ABLIM1: variants seen among roughly 807,000 people sequenced by gnomAD.
The protein encoded by ABLIM1 is actin binding LIM protein 1, also known as actin-binding LIM protein 1.
In ABLIM1, 40 loss-of-function variants were observed where a neutral mutation model predicts 107.0. The ratio of observed to expected loss-of-function variants is 0.37; its 90% CI spans 0.29 to 0.49. ABLIM1 has a LOEUF of 0.49. ABLIM1 is among the 20% of genes least tolerant of loss of function. ABLIM1 has a pLI of 0.97. For missense variants in ABLIM1, 857 were observed against 1,008.5 expected (o/e 0.85, Z 2.04); for synonymous variants, 357 against 357.3 (o/e 1.00, Z 0.01).
chr10:114,465,626 T>C (rs1405500693), intron 12 of ABLIM1, 72 bp downstream of exon 12: 69 of 1,562,244 alleles, frequency 4.4e-5, no homozygotes, highest in Admixed American at 1.1e-4. Flanking sequence ...CAATGTGCTA[T>C]CAATAGTAGG....
intron 6 of ABLIM1, among the ~76,000 whole-genome samples, chr10:114,522,192 A>G (rs1401372242): frequency 2.6e-5 from 4 of 152,244 alleles, no homozygotes; most frequent in Admixed American, 6.5e-5. Flanking sequence ...AAGATATTTC[A>G]ACAGATTTTC....
At chr10:114,568,013 A>G (rs918657463) in intron 4 of ABLIM1, among the ~76,000 whole-genome samples, 1 of 151,498 alleles carries the variant, frequency 6.6e-6, no homozygotes, top group Non-Finnish European at 1.5e-5. Flanking sequence ...ACAAGGTGAA[A>G]CCCCGTCTCT....
At position 114,594,361 on chromosome 10, in the gene ABLIM1, C is replaced by A. The variant is rs117276876; in HGVS notation, c.379+7466G>T. Among the ~76,000 whole-genome samples the A allele has an allele frequency of 7.4e-3, 1,126 of 152,344 alleles. 8 individuals are homozygous for A. The highest frequency in any genetic ancestry group is 0.012 in the Non-Finnish European group (833 of 68,022). On this transcript the variant is annotated intron_variant, in intron 2 of 22. Coordinates refer to ENST00000533213, the MANE Select transcript of ABLIM1 (RefSeq NM_002313.7). ...ATAGATATCTTTACTTGCACTCTTTCTTTTCAGAAGATAATGTTACTGTCT... is the reference window on the plus strand; with the variant it reads ...ATAGATATCTTTACTTGCACTCTTTATTTTCAGAAGATAATGTTACTGTCT...
chr10:114,464,540 C>T (rs12573832), intron 12 of ABLIM1, among the ~76,000 whole-genome samples: 14,444 of 151,934 alleles, frequency 0.095, 736 homozygotes, highest in East Asian at 0.18. Context: ...TCGGGACTCA[C>T]GTCCTGGGCA....
upstream of ABLIM1, among the ~76,000 whole-genome samples, chr10:114,768,543 G>A (rs564785000): frequency 1.8e-4 from 28 of 152,266 alleles, no homozygotes; most frequent in East Asian, 5.2e-3. Context: ...CCTAAGTGAT[G>A]CCCTTGACAG....
intron 1 of ABLIM1, among the ~76,000 whole-genome samples, chr10:114,622,247 C>CTTTTTT (rs71007483): frequency 3.7e-5 from 5 of 136,564 alleles, no homozygotes; most frequent in South Asian, 2.4e-4. Context: ...TTTTCTTTTT[C>CTTTTTT]TTTTTTTTTT....
chr10:114,660,561 G>A (rs2079749316), upstream of ABLIM1, among the ~76,000 whole-genome samples: 1 of 151,660 alleles, frequency 6.6e-6, no homozygotes, highest in South Asian at 2.1e-4. Flanking sequence ...TGTTTAAGAT[G>A]GAGATCCCCG....
chr10:114,643,889 T>A (rs562345263), intron 1 of ABLIM1, among the ~76,000 whole-genome samples: 6 of 152,040 alleles, frequency 3.9e-5, no homozygotes, highest in Non-Finnish European at 8.8e-5. Context: ...ATCCAGATTC[T>A]TAGTGCAAGA....
intron 1 of ABLIM1, among the ~76,000 whole-genome samples, chr10:114,704,302 C>CTCTATATA (rs1380460034): frequency 2.6e-4 from 11 of 43,088 alleles, no homozygotes; most frequent in African/African-American, 6.7e-4. Flanking sequence ...CTCTCTCTCT[C>CTCTATATA]TATATATATA....
At chr10:114,495,008 A>G (rs902955165) in intron 6 of ABLIM1, among the ~76,000 whole-genome samples, 4 of 152,130 alleles carry the variant, frequency 2.6e-5, no homozygotes, top group African/African-American at 9.7e-5. Flanking sequence ...CACTCTTATG[A>G]TTATTTACAT....
chr10:114,520,281 A>C (rs1160423448), intron 6 of ABLIM1, among the ~76,000 whole-genome samples: 1 of 152,204 alleles, frequency 6.6e-6, no homozygotes, highest in African/African-American at 2.4e-5. Context: ...TCTGTTCTGC[A>C]GTGGAACATC....
intron 1 of ABLIM1, among the ~76,000 whole-genome samples, chr10:114,673,807 C>A (rs1239102692): frequency 1.3e-5 from 2 of 152,184 alleles, no homozygotes; most frequent in African/African-American, 4.8e-5. Context: ...CGATGACGGG[C>A]TTCAGTAGTT....
chr10:114,749,314 C>T, intron 1 of ABLIM1, among the ~76,000 whole-genome samples: 1 of 152,120 alleles, frequency 6.6e-6, no homozygotes, highest in East Asian at 1.9e-4. Flanking sequence ...TAGCCATTGG[C>T]TACATTTGCC....
intron 1 of ABLIM1, among the ~76,000 whole-genome samples, chr10:114,748,097 A>G (rs2082423229): frequency 6.6e-6 from 1 of 152,090 alleles, no homozygotes; most frequent in Admixed American, 6.6e-5. Context: ...GAATTACTGA[A>G]CCACCAAATG....
At chr10:114,549,113 G>A (rs893412177) in intron 4 of ABLIM1, among the ~76,000 whole-genome samples, 5 of 152,192 alleles carry the variant, frequency 3.3e-5, no homozygotes, top group Non-Finnish European at 4.4e-5. Context: ...GGCTGGGTGC[G>A]GTGGCACACA....
upstream of ABLIM1, among the ~76,000 whole-genome samples, chr10:114,768,957 G>C (rs990426330): frequency 9.2e-5 from 14 of 151,914 alleles, no homozygotes; most frequent in Non-Finnish European, 4.4e-5. Flanking sequence ...ATAATAAAAA[G>C]CCACCAGATC....
chr10:114,622,476 A>G (rs2077533300), intron 1 of ABLIM1, among the ~76,000 whole-genome samples: 1 of 151,912 alleles, frequency 6.6e-6, no homozygotes, highest in Non-Finnish European at 1.5e-5. Context: ...CACACTTCCG[A>G]GCTCAAGTGA....
intron 6 of ABLIM1, among the ~76,000 whole-genome samples, chr10:114,526,384 A>G (rs534240878): frequency 1.3e-5 from 2 of 152,326 alleles, no homozygotes; most frequent in Admixed American, 1.3e-4. Context: ...TCAACGCACT[A>G]CACTTCTCAG....
At chr10:114,798,563 C>CCT in the ABLIM1 span, among the ~76,000 whole-genome samples, 8 of 125,828 alleles carry the variant, frequency 6.4e-5, no homozygotes, top group Non-Finnish European at 1.3e-4. Context: ...GAGACCCCCC[C>CCT]CCCATGTCTA....
Sources: allele counts gnomAD v4.1 joint callset (sites outside exome capture counted in the v4.1 genomes callset), GRCh38; gene constraint gnomAD v4.1.1; transcripts MANE v1.5; gene names NCBI Gene and HGNC (gene_info 2026-07-23, HGNC 2026-07-21).